Variants in P2RX3 observed in about 807,000 individuals in gnomAD.
The protein encoded by P2RX3 is purinergic receptor P2X 3.
Under a neutral mutation model 51.5 loss-of-function variants are expected in P2RX3, and 41 were observed. The ratio of observed to expected loss-of-function variants is 0.80; its 90% CI spans 0.62 to 1.03. The LOEUF is 1.03. Among genes scored for constraint, P2RX3 ranks in the 50% least tolerant of loss-of-function variants. The pLI is 0.00. For synonymous variants in P2RX3, 185 were observed against 191.6 expected, an observed-to-expected ratio of 0.97 and a Z score of 0.29; for missense variants, 459 against 522.1, an observed-to-expected ratio of 0.88 and a Z score of 1.18.
intron 1 of P2RX3, among the ~76,000 whole-genome samples, chr11:57,341,429 C>A (rs150673166): frequency 6.6e-6 from 1 of 152,270 alleles, no homozygotes; most frequent in East Asian, 1.9e-4. Context: ...ATCTCACATA[C>A]GCTCTCACCC....
upstream of P2RX3, chr11:57,338,282 C>A (rs1196565889): frequency 5.7e-5 from 16 of 280,876 alleles, no homozygotes. Context: ...TTGGAGACCC[C>A]ACCCCTGCTG....
chr11:57,339,038 G>A (rs1049902859), intron 1 of P2RX3, among the ~76,000 whole-genome samples: 11 of 152,228 alleles, frequency 7.2e-5, no homozygotes, highest in South Asian at 2.1e-4. Flanking sequence ...CCACATCTTC[G>A]AATTCCCCTC....
At chr11:57,369,523 G>GA in intron 11 of P2RX3, 85 bp downstream of exon 11, 9 of 1,306,656 alleles carry the variant, frequency 6.9e-6, no homozygotes, top group African/African-American at 1.5e-5. Context: ...CTCCCCTTCT[G>GA]AGGCCTTCTG....
chr11:57,362,354 C>A (rs77604369), intron 8 of P2RX3, among the ~76,000 whole-genome samples: 224 of 152,208 alleles, frequency 1.5e-3, no homozygotes, highest in African/African-American at 5.1e-3. Flanking sequence ...TCACCAACCC[C>A]AATCCTAACC....
rs376133797 is a variant in P2RX3 at position 57,346,537 on chromosome 11, G to C, written c.120-7G>C. On this transcript the variant is annotated splice_polypyrimidine_tract_variant and splice_region_variant and intron_variant, in intron 1 of 11. Coordinates refer to ENST00000263314, the MANE Select transcript of P2RX3 (RefSeq NM_002559.5). ...TCTTTCTCTTCATTTATGCTCTCCT[G>C]CCCCAGGTGGGTTTTCTTGCACGAG... 36 of 1,613,758 alleles carry C rather than the reference G, an allele frequency of 2.2e-5. No homozygotes were observed. Among genetic ancestry groups the C allele is most frequent in the Non-Finnish European group, 3.0e-5 (35 of 1,179,946 alleles).
chr11:57,343,648 C>T (rs1231447547), intron 1 of P2RX3, among the ~76,000 whole-genome samples: 4 of 152,346 alleles, frequency 2.6e-5, no homozygotes, highest in East Asian at 1.9e-4. Context: ...CTAGTCTGAA[C>T]TCTGCATCTC....
At chr11:57,368,322 C>T in intron 9 of P2RX3, 50 bp from the exon 10 acceptor site, 1 of 1,599,548 alleles carries the variant, frequency 6.3e-7, no homozygotes, top group Non-Finnish European at 8.6e-7. Flanking sequence ...CGGGCCTCAC[C>T]CCCATCCCAT....
At position 57,346,684 on chromosome 11, in the gene P2RX3, G is replaced by A; in HGVS notation, c.255+5G>A. ...GATTACGTGACGCCACCTCAGGTATGGTACCCCTACCCAGAGAGGCATGTG... is the reference window on the plus strand; with the variant it reads ...GATTACGTGACGCCACCTCAGGTATAGTACCCCTACCCAGAGAGGCATGTG... On this transcript the variant is annotated splice_donor_5th_base_variant and intron_variant, in intron 2 of 11. Coordinates refer to ENST00000263314, the MANE Select transcript of P2RX3 (RefSeq NM_002559.5). 2 of 1,613,416 alleles carry A rather than the reference G, an allele frequency of 1.2e-6. No homozygotes were observed. The highest frequency in any genetic ancestry group is 1.7e-6 in the Non-Finnish European group (2 of 1,179,930).
intron 6 of P2RX3, among the ~76,000 whole-genome samples, chr11:57,349,503 C>T (rs1856503719): frequency 6.6e-6 from 1 of 152,006 alleles, no homozygotes; most frequent in African/African-American, 2.4e-5. Flanking sequence ...AAGAATGATT[C>T]CTGCCCTCTC....
At chr11:57,348,488 T>C (rs1368274638) in intron 5 of P2RX3, 139 bp from the exon 6 acceptor site, 1 of 738,766 alleles carries the variant, frequency 1.4e-6, no homozygotes, top group Non-Finnish European at 2.3e-6. Flanking sequence ...CCCCTTCCTA[T>C]AGCCCACTCT....
At chr11:57,352,051 A>G (rs1002190097) in intron 8 of P2RX3, among the ~76,000 whole-genome samples, 2 of 152,194 alleles carry the variant, frequency 1.3e-5, no homozygotes, top group Non-Finnish European at 2.9e-5. Context: ...ATAAGAATAT[A>G]TTTCATTTAC....
intron 9 of P2RX3, 117 bp downstream of exon 9, chr11:57,368,219 C>T (rs773481736): frequency 1.5e-6 from 2 of 1,298,820 alleles, no homozygotes; most frequent in Non-Finnish European, 1.1e-6. Flanking sequence ...CTTTGACACC[C>T]TCAGTGGGTC....
intron 1 of P2RX3, chr11:57,340,625 C>G (rs943117627): frequency 2.6e-5 from 4 of 152,272 alleles, no homozygotes; most frequent in Admixed American, 6.5e-5. Flanking sequence ...CAAAAGCAGA[C>G]AGGGTCCTCG....
In P2RX3 at chr11:57,350,766, G is replaced by C; in HGVS notation, c.710G>C (p.Gly237Ala). Residue 237 changes from glycine (G) to alanine (A), a missense_variant, in exon 8 of 12, where the codon GGA (glycine) becomes GCA (alanine). Coordinates refer to ENST00000263314, the MANE Select transcript of P2RX3 (RefSeq NM_002559.5). ...ATACCCGGCCCGTTTCTTCAGGGGG[G>C]AGTTCTGGGCATTAAGATCGGCTGG... ...QDFAKLARTG[G>A]VLGIKIGWVC... The C allele has an allele frequency of 1.2e-6, 2 of 1,614,006 alleles. No homozygotes were observed. The highest frequency in any genetic ancestry group is 1.7e-6 in the Non-Finnish European group (2 of 1,179,992).
chr11:57,356,164 G>C (rs1202136375), intron 8 of P2RX3, among the ~76,000 whole-genome samples: 2 of 152,138 alleles, frequency 1.3e-5, no homozygotes, highest in Non-Finnish European at 2.9e-5. Context: ...GGCTCAGAAA[G>C]ATTTCAAAAC....
Position 57,338,463 on chromosome 11 carries a change from T to G in P2RX3, c.-88T>G. 2.4e-6 allele frequency: 2 copies of G among 828,256 alleles called. No individual in the cohort carries two copies. The highest frequency in any genetic ancestry group is 3.9e-6 in the Non-Finnish European group (2 of 512,762). 51.3% of individuals were successfully genotyped at this position (828,256 alleles called of 1,614,324 possible). ...CCTCTAAGCTGCCCCCTCCAGGTCGTGATCTCGTCTCCCTGTCCTGTAGGA... is the reference window on the plus strand; with the variant it reads ...CCTCTAAGCTGCCCCCTCCAGGTCGGGATCTCGTCTCCCTGTCCTGTAGGA... On this transcript the variant is annotated 5_prime_UTR_variant, in exon 1 of 12. Transcript: ENST00000263314.
chr11:57,349,966 C>A, intron 7 of P2RX3, 68 bp downstream of exon 7: 2 of 1,594,496 alleles, frequency 1.3e-6, no homozygotes, highest in Non-Finnish European at 1.7e-6. Flanking sequence ...GATTTCAGGG[C>A]CCTTTGGCCG....
At chr11:57,364,697 C>T (rs913733812) in intron 8 of P2RX3, among the ~76,000 whole-genome samples, 3 of 152,146 alleles carry the variant, frequency 2.0e-5, no homozygotes, top group Non-Finnish European at 4.4e-5. Flanking sequence ...TCCTATTATC[C>T]TCCTTTTGCT....
chr11:57,360,537 G>A (rs1357017309), intron 8 of P2RX3, among the ~76,000 whole-genome samples: 2 of 152,088 alleles, frequency 1.3e-5, no homozygotes, highest in Non-Finnish European at 2.9e-5. Context: ...GCTCATTCCT[G>A]TAATTCCAGC....
Sources: allele counts gnomAD v4.1 joint callset (sites outside exome capture counted in the v4.1 genomes callset), GRCh38; gene constraint gnomAD v4.1.1; transcripts MANE v1.5; gene names NCBI Gene and HGNC (gene_info 2026-07-23, HGNC 2026-07-21).